SRGAP1: variants seen among roughly 807,000 people sequenced by gnomAD.
SRGAP1 encodes SLIT-ROBO Rho GTPase activating protein 1, also known as SLIT-ROBO Rho GTPase-activating protein 1.
A neutral mutation model predicts 121.9 loss-of-function variants in SRGAP1; 43 were observed. That is an observed-to-expected ratio of 0.35 (90% CI 0.28 to 0.46). SRGAP1 has a LOEUF of 0.46. Ranked by LOEUF, SRGAP1 falls within the 20% of genes least tolerant of loss-of-function variation. The probability of loss-of-function intolerance (pLI) is 1.00; values close to 1 mark genes in which losing one functional copy is unlikely to be tolerated. For synonymous variants in SRGAP1, 447 were observed against 485.4 expected, an observed-to-expected ratio of 0.92 and a Z score of 1.04; for missense variants, 1,102 against 1,350.9, an observed-to-expected ratio of 0.82 and a Z score of 2.89.
intron 4 of SRGAP1, chr12:64,032,595 C>G: frequency 1.6e-6 from 1 of 617,538 alleles, no homozygotes; most frequent in South Asian, 2.2e-5. Flanking sequence ...GTCCTGCCCC[C>G]GACAGCTGAC....
In SRGAP1 at chr12:64,042,716, C is replaced by T. The variant is rs532572347; in HGVS notation, c.490-74C>T. The T allele has an allele frequency of 1.2e-4, 142 of 1,191,818 alleles. No individual in the cohort carries two copies. The South Asian group carries it at 1.5e-3, about 13-fold the overall frequency. The allele number at this position is 1,191,818 out of a possible 1,614,324, so 73.8% of individuals were successfully genotyped here. A position where few individuals can be genotyped will look rare whatever the true frequency, so the allele number is the denominator to read the frequency against. On this transcript the variant is annotated intron_variant, in intron 4 of 21. Transcript: ENST00000355086. ...AAGGTGGTATGTGTATCATATACGTCGTATAAATGGTTCCCATTCACTCTC... is the reference window on the plus strand; with the variant it reads ...AAGGTGGTATGTGTATCATATACGTTGTATAAATGGTTCCCATTCACTCTC...
chr12:64,095,777 A>G (rs1661851097), intron 14 of SRGAP1, among the ~76,000 whole-genome samples: 1 of 152,070 alleles, frequency 6.6e-6, no homozygotes, highest in Non-Finnish European at 1.5e-5. Flanking sequence ...GTTATGTATT[A>G]ATAGGGTATA....
At chr12:64,022,671 C>G (rs2034575337) in intron 4 of SRGAP1, among the ~76,000 whole-genome samples, 1 of 152,200 alleles carries the variant, frequency 6.6e-6, no homozygotes, top group African/African-American at 2.4e-5. Context: ...AATCACAGCT[C>G]TGTCCCTTTC....
intron 6 of SRGAP1, among the ~76,000 whole-genome samples, chr12:64,061,803 A>C (rs376858576): frequency 2.1e-4 from 32 of 152,246 alleles, no homozygotes; most frequent in African/African-American, 7.7e-4. Flanking sequence ...GTCTTTTGTG[A>C]CTTGCTTCTT....
intron 4 of SRGAP1, among the ~76,000 whole-genome samples, chr12:64,040,950 A>T (rs1034887209): frequency 6.6e-6 from 1 of 152,192 alleles, no homozygotes; most frequent in Non-Finnish European, 1.5e-5. Flanking sequence ...TTTGTACACA[A>T]ACTTTTTTGT....
In SRGAP1 at chr12:63,900,865, T is replaced by G. The variant is rs377561652; in HGVS notation, c.67+55982T>G. 5.3e-5 allele frequency among the ~76,000 whole-genome samples: 8 copies of G among 152,114 alleles called. No individual in the cohort carries two copies. The East Asian group carries it at 9.6e-4, about 18-fold the overall frequency. On this transcript the variant is annotated intron_variant, in intron 1 of 21. Transcript: ENST00000355086. ...GTTTAGGGTTTTGTACTATCAAACCTAAGTAAAAAAACAATGTATGCTAAA... is the reference window on the plus strand; with the variant it reads ...GTTTAGGGTTTTGTACTATCAAACCGAAGTAAAAAAACAATGTATGCTAAA...
At chr12:64,134,793 A>G (rs927764867) in intron 21 of SRGAP1, among the ~76,000 whole-genome samples, 2 of 152,170 alleles carry the variant, frequency 1.3e-5, no homozygotes, top group Admixed American at 1.3e-4. Flanking sequence ...CACACCATTA[A>G]TATCCATTCC....
At chr12:64,027,744 G>A (rs1012328590) in intron 4 of SRGAP1, among the ~76,000 whole-genome samples, 3 of 152,030 alleles carry the variant, frequency 2.0e-5, no homozygotes, top group African/African-American at 7.3e-5. Context: ...GATTAACAAA[G>A]GCCTCTTATT....
At chr12:64,066,844 A>T (rs1323344211) in intron 8 of SRGAP1, among the ~76,000 whole-genome samples, 1 of 152,172 alleles carries the variant, frequency 6.6e-6, no homozygotes, top group Non-Finnish European at 1.5e-5. Context: ...AGTTTACTGG[A>T]TCCTATTCTA....
intron 4 of SRGAP1, among the ~76,000 whole-genome samples, chr12:64,042,444 C>T (rs1347944666): frequency 4.6e-5 from 7 of 152,074 alleles, no homozygotes; most frequent in Admixed American, 2.6e-4. Flanking sequence ...CATGAATAAA[C>T]GGTTTATTCT....
chr12:64,047,795 C>G (rs562619190), intron 6 of SRGAP1, among the ~76,000 whole-genome samples: 1 of 151,972 alleles, frequency 6.6e-6, no homozygotes, highest in Non-Finnish European at 1.5e-5. Context: ...TTGTAAAAAA[C>G]CAGAAAATAC....
chr12:63,959,839 G>C (rs1353950777), intron 1 of SRGAP1, among the ~76,000 whole-genome samples: 1 of 152,170 alleles, frequency 6.6e-6, no homozygotes, highest in African/African-American at 2.4e-5. Flanking sequence ...CACAAAGCTG[G>C]TAAAGTGGCA....
intron 3 of SRGAP1, among the ~76,000 whole-genome samples, chr12:63,990,302 G>A (rs2033518954): frequency 6.6e-6 from 1 of 152,218 alleles, no homozygotes. Context: ...GGGAGGCTGA[G>A]GCGGGTGGAT....
At chr12:63,930,419 G>A (rs956413895) in intron 1 of SRGAP1, among the ~76,000 whole-genome samples, 1 of 149,520 alleles carries the variant, frequency 6.7e-6, no homozygotes, top group African/African-American at 2.5e-5. Flanking sequence ...AGTATTTGAA[G>A]TGCTTGAGGG....
intron 1 of SRGAP1, among the ~76,000 whole-genome samples, chr12:63,872,371 ATTAAT>A (rs1440853536): frequency 6.6e-6 from 1 of 152,206 alleles, no homozygotes; most frequent in East Asian, 1.9e-4. Flanking sequence ...GAAGCCAGAA[ATTAAT>A]TTAAGTTTCT....
chr12:63,904,165 A>G (rs1301730298), intron 1 of SRGAP1, among the ~76,000 whole-genome samples: 2 of 151,920 alleles, frequency 1.3e-5, no homozygotes, highest in South Asian at 2.1e-4. Flanking sequence ...TTGTTTGTAC[A>G]CCAACAACTA....
At chr12:63,849,317 T>A (rs1365791967) in intron 1 of SRGAP1, among the ~76,000 whole-genome samples, 2 of 152,220 alleles carry the variant, frequency 1.3e-5, no homozygotes, top group African/African-American at 4.8e-5. Context: ...TCTTGTATTC[T>A]GCAGCAAAAA....
At chr12:63,887,856 C>T (rs1900443696) in intron 1 of SRGAP1, 1 of 152,256 alleles carries the variant, frequency 6.6e-6, no homozygotes, top group Non-Finnish European at 1.5e-5. Flanking sequence ...TGCTTCAGAA[C>T]TTTCCTCTTC....
chr12:63,955,987 T>C (rs2032451549), intron 1 of SRGAP1, among the ~76,000 whole-genome samples: 1 of 152,196 alleles, frequency 6.6e-6, no homozygotes, highest in African/African-American at 2.4e-5. Flanking sequence ...CAGTTTGTTA[T>C]GACTGAGCTA....
Sources: allele counts gnomAD v4.1 joint callset (sites outside exome capture counted in the v4.1 genomes callset), GRCh38; gene constraint gnomAD v4.1.1; transcripts MANE v1.5; gene names NCBI Gene and HGNC (gene_info 2026-07-23, HGNC 2026-07-21).